The following PPA1 variants were observed in gnomAD, a reference collection of about 807,000 sequenced individuals.
The protein encoded by PPA1 is inorganic pyrophosphatase 1.
PPA1 carries 23 observed loss-of-function variants against 41.8 expected under a neutral mutation model. That is an observed-to-expected ratio of 0.55 (90% CI 0.40 to 0.78). The LOEUF is 0.78. PPA1 is among the 30% of genes least tolerant of loss of function. PPA1 has a pLI of 0.00. For synonymous variants in PPA1, 101 were observed against 116.8 expected (o/e 0.86, Z 0.87); for missense variants, 320 against 361.6 (o/e 0.89, Z 0.93).
At chr10:70,210,229 C>CA in intron 6 of PPA1, 1 of 437,112 alleles carries the variant, frequency 2.3e-6, no homozygotes, top group Non-Finnish European at 4.2e-6. Context: ...TATAAGCATG[C>CA]ACACGCCCAG....
intron 5 of PPA1, among the ~76,000 whole-genome samples, 159 bp from the exon 6 acceptor site, chr10:70,213,748 T>C (rs1015074385): frequency 1.1e-4 from 17 of 152,152 alleles, no homozygotes; most frequent in African/African-American, 3.9e-4. Context: ...TGAGTAAATG[T>C]TTCATCAGTC....
chr10:70,223,582 T>G (rs1353815821), intron 2 of PPA1, among the ~76,000 whole-genome samples: 1 of 152,108 alleles, frequency 6.6e-6, no homozygotes, highest in African/African-American at 2.4e-5. Context: ...AAGAACAACC[T>G]TCTTCTAGAC....
intron 5 of PPA1, 92 bp downstream of exon 5, chr10:70,214,408 T>G (rs1470467095): frequency 2.1e-6 from 2 of 965,506 alleles, no homozygotes; most frequent in Non-Finnish European, 1.6e-6. Flanking sequence ...CTAATATTCA[T>G]GCATTTTATT....
chr10:70,224,985 C>T (rs1840212364), intron 2 of PPA1, among the ~76,000 whole-genome samples: 2 of 152,200 alleles, frequency 1.3e-5, no homozygotes, highest in African/African-American at 4.8e-5. Flanking sequence ...CCCACCTTGG[C>T]CCCCCAAAGT....
At chr10:70,205,500 T>C (rs1383107126) in intron 9 of PPA1, 2 of 152,162 alleles carry the variant, frequency 1.3e-5, no homozygotes, top group Non-Finnish European at 2.9e-5. Context: ...CACATATTTA[T>C]AAAATATGGG....
At chr10:70,207,543 C>T (rs1264865643) in intron 8 of PPA1, among the ~76,000 whole-genome samples, 1 of 152,028 alleles carries the variant, frequency 6.6e-6, no homozygotes, top group Non-Finnish European at 1.5e-5. Flanking sequence ...GTGATGCGTG[C>T]CTGTAGTACC....
At chr10:70,230,602 G>A (rs1031679316) in intron 1 of PPA1, among the ~76,000 whole-genome samples, 1 of 151,962 alleles carries the variant, frequency 6.6e-6, no homozygotes, top group African/African-American at 2.4e-5. Context: ...TGAGCCGCTG[G>A]AACTACAGGC....
chr10:70,212,042 T>C (rs1239772810), intron 6 of PPA1, among the ~76,000 whole-genome samples: 1 of 152,214 alleles, frequency 6.6e-6, no homozygotes, highest in Admixed American at 6.5e-5. Flanking sequence ...GCTGAGGCAG[T>C]GTTTGTCAAG....
At chr10:70,213,354 A>G in intron 6 of PPA1, 109 bp downstream of exon 6, 1 of 1,312,576 alleles carries the variant, frequency 7.6e-7, no homozygotes, top group Admixed American at 2.1e-5. Context: ...TTGTTCCTCC[A>G]TCCTTTAACA....
At chr10:70,205,914 T>C (rs1839934615) in intron 9 of PPA1, 1 of 205,358 alleles carries the variant, frequency 4.9e-6, no homozygotes, top group Admixed American at 5.2e-5. Flanking sequence ...CCTCAGTCCT[T>C]GCTAGAACCA....
chr10:70,233,184 G>C (rs1840308084), intron 1 of PPA1, 80 bp downstream of exon 1: 1 of 1,452,508 alleles, frequency 6.9e-7, no homozygotes, highest in Non-Finnish European at 9.2e-7. Context: ...CCGAGCGCGG[G>C]CCGCACCCTC....
intron 2 of PPA1, among the ~76,000 whole-genome samples, chr10:70,227,514 G>T (rs1025470545): frequency 1.8e-4 from 27 of 152,044 alleles, no homozygotes; most frequent in Admixed American, 3.3e-4. Flanking sequence ...AGCTGGGCGT[G>T]GTGGTGTATG....
chr10:70,214,312 CA>C (rs1008608215), intron 5 of PPA1, among the ~76,000 whole-genome samples, 187 bp downstream of exon 5: 2 of 152,096 alleles, frequency 1.3e-5, no homozygotes, highest in Non-Finnish European at 2.9e-5. Context: ...CATTTTTTTC[CA>C]GACTAGATTT....
intron 6 of PPA1, among the ~76,000 whole-genome samples, chr10:70,211,971 T>C (rs1016753709): frequency 5.3e-5 from 8 of 152,316 alleles, no homozygotes; most frequent in Non-Finnish European, 1.2e-4. Context: ...ATCACATCAT[T>C]TTGAGGGAAC....
chr10:70,230,749 G>T (rs776123957), intron 1 of PPA1, among the ~76,000 whole-genome samples: 10 of 152,164 alleles, frequency 6.6e-5, no homozygotes, highest in Non-Finnish European at 1.5e-4. Context: ...AATTACAGGG[G>T]TGAGCCACCG....
intron 2 of PPA1, among the ~76,000 whole-genome samples, chr10:70,221,900 C>T (rs1840174301): frequency 1.3e-5 from 2 of 152,094 alleles, no homozygotes; most frequent in African/African-American, 4.8e-5. Flanking sequence ...TGTATAGATC[C>T]TCAAAACAGT....
intron 2 of PPA1, 25 bp downstream of exon 2, chr10:70,230,314 CTG>C (rs978203649): frequency 6.2e-7 from 1 of 1,610,526 alleles, no homozygotes; most frequent in African/African-American, 1.3e-5. Context: ...AGTAAAGAGA[CTG>C]TGTCCAAAAA....
intron 2 of PPA1, among the ~76,000 whole-genome samples, chr10:70,222,888 G>C (rs535816255): frequency 2.2e-5 from 3 of 134,256 alleles, no homozygotes; most frequent in Non-Finnish European, 4.5e-5. Flanking sequence ...CTGTGTCCAC[G>C]TGTTCTCATT....
intron 6 of PPA1, chr10:70,210,468 G>A (rs775187101): frequency 1.6e-5 from 21 of 1,346,952 alleles, no homozygotes; most frequent in Admixed American, 5.8e-5. Context: ...GATGGGTTAC[G>A]TATTAAATGT....
Sources: gnomAD v4.1 joint callset for allele counts (sites outside exome capture counted in the v4.1 genomes callset) on GRCh38, gnomAD v4.1.1 for gene constraint, MANE v1.5 for transcripts, NCBI Gene and HGNC (gene_info 2026-07-23, HGNC 2026-07-21) for gene names.